LHX8: variants seen among roughly 807,000 people sequenced by gnomAD.
The protein encoded by LHX8 is LIM homeobox 8, also known as LIM/homeobox protein Lhx8.
In LHX8, 12 loss-of-function variants were observed where a neutral mutation model predicts 40.3. The ratio of observed to expected loss-of-function variants is 0.30; its 90% CI spans 0.19 to 0.48. The LOEUF (loss-of-function observed/expected upper bound fraction) is 0.48. Ranked by LOEUF, LHX8 falls within the 20% of genes least tolerant of loss-of-function variation. The pLI is 0.99. For synonymous variants in LHX8, 179 were observed against 162.0 expected (o/e 1.10, Z -0.80); for missense variants, 344 against 433.7 (o/e 0.79, Z 1.84).
chr1:75,148,992 T>A (rs1192719394), intron 7 of LHX8, among the ~76,000 whole-genome samples: 1 of 152,246 alleles, frequency 6.6e-6, no homozygotes, highest in African/African-American at 2.4e-5. Flanking sequence ...ATCAAATTTT[T>A]AAAATGTAAT....
At chr1:75,170,776 C>A in the LHX8 span, among the ~76,000 whole-genome samples, 2 of 152,128 alleles carry the variant, frequency 1.3e-5, no homozygotes, top group Non-Finnish European at 2.9e-5. Context: ...AGCAGATGGT[C>A]AGAGATCACA....
chr1:75,161,866 A>C (rs1469325459), downstream of LHX8, among the ~76,000 whole-genome samples: 1 of 152,082 alleles, frequency 6.6e-6, no homozygotes, highest in Non-Finnish European at 1.5e-5. Flanking sequence ...CTAGAGCAAG[A>C]ACTCTTTGCA....
chr1:75,186,791 A>G, the LHX8 span, among the ~76,000 whole-genome samples: 2 of 152,168 alleles, frequency 1.3e-5, no homozygotes, highest in Non-Finnish European at 2.9e-5. Context: ...CACTTGGCAC[A>G]CACAATTCAA....
chr1:75,199,071 A>C, the LHX8 span, among the ~76,000 whole-genome samples: 3 of 152,222 alleles, frequency 2.0e-5, no homozygotes, highest in Non-Finnish European at 2.9e-5. Context: ...ATTGTAACAC[A>C]GTTGGCTTCA....
At chr1:75,158,214 TTGGCCTAC>T (rs1194239084) in intron 8 of LHX8, among the ~76,000 whole-genome samples, 1 of 152,256 alleles carries the variant, frequency 6.6e-6, no homozygotes, top group Non-Finnish European at 1.5e-5. Context: ...TTTTTGTCTT[TTGGCCTAC>T]TGGCTTGTCT....
At chr1:75,184,325 C>G in the LHX8 span, among the ~76,000 whole-genome samples, 1 of 152,222 alleles carries the variant, frequency 6.6e-6, no homozygotes, top group South Asian at 2.1e-4. Flanking sequence ...ACATTCTTCT[C>G]ATCGTCACCT....
chr1:75,178,362 T>G, the LHX8 span, among the ~76,000 whole-genome samples: 1 of 152,176 alleles, frequency 6.6e-6, no homozygotes, highest in African/African-American at 2.4e-5. Flanking sequence ...CTGTTATTGG[T>G]CTATTCAATG....
the LHX8 span, among the ~76,000 whole-genome samples, chr1:75,182,879 G>A: frequency 6.6e-6 from 1 of 152,068 alleles, no homozygotes; most frequent in Admixed American, 6.5e-5. Context: ...TAAACACGTT[G>A]GCTGATTGTA....
At chr1:75,169,774 C>G in the LHX8 span, among the ~76,000 whole-genome samples, 6 of 152,168 alleles carry the variant, frequency 3.9e-5, no homozygotes, top group Non-Finnish European at 7.3e-5. Context: ...AATTTATTCC[C>G]CAGAAGCCTG....
Position 75,141,005 on chromosome 1 carries a change from T to C in LHX8, c.258T>C (p.His86=). The C allele has an allele frequency of 6.2e-7, 1 of 1,613,654 alleles. No individual in the cohort carries two copies. Among genetic ancestry groups the C allele is most frequent in the Non-Finnish European group, 8.5e-7 (1 of 1,179,638 alleles). The change falls in exon 4 of 9, where the codon CAT becomes CAC. Residue 86 remains histidine, a synonymous_variant. Transcript: ENST00000356261. ...YLLKVNDLCW[H]VRCLSCSVCR... ...CACAGGTGAATGACCTATGCTGGCA[T>C]GTCCGGTGTCTCTCCTGCAGTGTTT...
chr1:75,135,736 T>G (rs555794300), intron 1 of LHX8, among the ~76,000 whole-genome samples: 1 of 152,370 alleles, frequency 6.6e-6, no homozygotes, highest in Admixed American at 6.5e-5. Context: ...GCGCGTTGTT[T>G]CTTTAAAACA....
the LHX8 span, among the ~76,000 whole-genome samples, chr1:75,172,034 T>G: frequency 6.6e-6 from 1 of 152,248 alleles, no homozygotes; most frequent in Non-Finnish European, 1.5e-5. Flanking sequence ...GCACAGCAGC[T>G]GCTTGTCTCA....
At chr1:75,146,572 AATG>A (rs1648464822) in intron 6 of LHX8, among the ~76,000 whole-genome samples, 1 of 152,130 alleles carries the variant, frequency 6.6e-6, no homozygotes, top group Non-Finnish European at 1.5e-5. Flanking sequence ...CTGGCCTAAA[AATG>A]ATGAGTGTCT....
At chr1:75,164,396 C>A (rs1570311428), downstream of LHX8, among the ~76,000 whole-genome samples, 1 of 152,130 alleles carries the variant, frequency 6.6e-6, no homozygotes, top group South Asian at 2.1e-4. Context: ...TATACTATTA[C>A]CATTTTAAAT....
At chr1:75,178,003 C>T in the LHX8 span, among the ~76,000 whole-genome samples, 1 of 152,140 alleles carries the variant, frequency 6.6e-6, no homozygotes, top group Non-Finnish European at 1.5e-5. Flanking sequence ...GTTGAACCAG[C>T]CTTGCATCCC....
chr1:75,147,006 G>A (rs377218074), intron 6 of LHX8, among the ~76,000 whole-genome samples: 56 of 152,152 alleles, frequency 3.7e-4, no homozygotes, highest in African/African-American at 1.1e-3. Context: ...TAATTTGCTC[G>A]TTCTTTTTGG....
intron 7 of LHX8, among the ~76,000 whole-genome samples, chr1:75,153,490 G>A (rs1448612209): frequency 6.8e-6 from 1 of 146,106 alleles, no homozygotes; most frequent in Non-Finnish European, 1.5e-5. Context: ...TCAGCTCACT[G>A]CAACCTCTGC....
At chr1:75,136,921 G>T (rs1482131931) in intron 2 of LHX8, among the ~76,000 whole-genome samples, 179 bp from the exon 3 acceptor site, 1 of 151,166 alleles carries the variant, frequency 6.6e-6, no homozygotes, top group Non-Finnish European at 1.5e-5. Context: ...GCCCCAGCGG[G>T]TGCGTAGCCA....
rs943066714 is a variant in LHX8, at chr1:75,143,937, G to C, written c.673G>C (p.Asp225His). 15 of 1,613,098 alleles carry C rather than the reference G, an allele frequency of 9.3e-6. No individual in the cohort carries two copies. Among genetic ancestry groups the C allele is most frequent in the Non-Finnish European group, 1.3e-5 (15 of 1,179,254 alleles). Reference protein sequence around the residue: ...AKRARTSFTADQLQVMQAQFA... With the variant: ...AKRARTSFTAHQLQVMQAQFA... ...AAGAGCTCGGACCAGCTTTACAGCA[G>C]ATCAGCTTCAGGTAAGCATAACAAT... The change falls in exon 6 of 9, where the codon GAT becomes CAT. Residue 225 changes from aspartate to histidine, a missense_variant. By Grantham distance (81) the Asp-to-His change is moderately conservative. Around this residue, in one of 3 missense-constraint regions of LHX8, gnomAD observed 147 missense variants for 250.8 expected, o/e 0.59. Transcript: ENST00000356261.
Sources: gnomAD v4.1 joint callset for allele counts (sites outside exome capture counted in the v4.1 genomes callset) on GRCh38, gnomAD v4.1.1 for gene constraint, gnomAD v4.1.1 regional missense constraint, MANE v1.5 for transcripts, NCBI Gene and HGNC (gene_info 2026-07-23, HGNC 2026-07-21) for gene names.